MED13L: variants seen among roughly 807,000 people sequenced by gnomAD.
MED13L encodes the protein mediator of RNA polymerase II transcription subunit 13-like.
In MED13L, 7 loss-of-function variants were observed where a neutral mutation model predicts 220.9. The ratio of observed to expected loss-of-function variants is 0.03; its 90% CI spans 0.02 to 0.06. The LOEUF (loss-of-function observed/expected upper bound fraction) is 0.06. Ranked by LOEUF, MED13L falls within the 10% of genes least tolerant of loss-of-function variation. The probability of loss-of-function intolerance (pLI) is 1.00; values close to 1 mark genes in which losing one functional copy is unlikely to be tolerated. For synonymous variants in MED13L, 1,011 were observed against 1,015.2 expected (o/e 1.00, Z 0.08); for missense variants, 1,965 against 2,760.5 (o/e 0.71, Z 6.46).
chr12:116,090,928 T>A (rs1023613005), intron 4 of MED13L, among the ~76,000 whole-genome samples: 2 of 151,918 alleles, frequency 1.3e-5, no homozygotes, highest in Non-Finnish European at 2.9e-5. Flanking sequence ...AGTTCGAGAC[T>A]AGCCTGGCCA....
chr12:116,198,150 A>C (rs1229456593), intron 2 of MED13L, among the ~76,000 whole-genome samples: 1 of 152,170 alleles, frequency 6.6e-6, no homozygotes, highest in Non-Finnish European at 1.5e-5. Flanking sequence ...TACATATTTT[A>C]AGTACCAGAG....
At chr12:116,162,559 C>T (rs1211618371) in intron 2 of MED13L, among the ~76,000 whole-genome samples, 4 of 152,046 alleles carry the variant, frequency 2.6e-5, no homozygotes, top group African/African-American at 9.7e-5. Flanking sequence ...TCTTTCAGGC[C>T]CAAAGACATT....
At chr12:116,178,535 C>T (rs1880252489) in intron 2 of MED13L, among the ~76,000 whole-genome samples, 1 of 152,200 alleles carries the variant, frequency 6.6e-6, no homozygotes, top group South Asian at 2.1e-4. Flanking sequence ...TTTCCCTATT[C>T]ATGTTAAAAG....
At chr12:116,095,511 C>T (rs1342578701) in intron 4 of MED13L, among the ~76,000 whole-genome samples, 1 of 152,138 alleles carries the variant, frequency 6.6e-6, no homozygotes, top group Non-Finnish European at 1.5e-5. Flanking sequence ...GAGAAGACTA[C>T]TAATTAAGTC....
intron 7 of MED13L, among the ~76,000 whole-genome samples, chr12:116,015,632 C>A (rs1276135337): frequency 6.6e-6 from 1 of 152,150 alleles, no homozygotes; most frequent in African/African-American, 2.4e-5. Context: ...ATGCAAACCT[C>A]CACTGATTGT....
At chr12:116,082,995 G>A (rs930084186) in intron 4 of MED13L, among the ~76,000 whole-genome samples, 2 of 152,214 alleles carry the variant, frequency 1.3e-5, no homozygotes, top group African/African-American at 4.8e-5. Flanking sequence ...TTGACAAGTT[G>A]ATAGGTTTGA....
intron 22 of MED13L, chr12:115,981,940 T>C: frequency 5.1e-6 from 1 of 194,564 alleles, no homozygotes; most frequent in Non-Finnish European, 1.1e-5. Flanking sequence ...CATGTACAGG[T>C]TGAATATCCC....
chr12:116,035,750 C>A (rs1239872319), intron 4 of MED13L, among the ~76,000 whole-genome samples: 1 of 152,014 alleles, frequency 6.6e-6, no homozygotes, highest in Non-Finnish European at 1.5e-5. Flanking sequence ...GCCACCACAC[C>A]CAGCTAATTT....
intron 4 of MED13L, among the ~76,000 whole-genome samples, chr12:116,053,798 C>A (rs1391822239): frequency 6.6e-6 from 1 of 152,160 alleles, no homozygotes; most frequent in Non-Finnish European, 1.5e-5. Flanking sequence ...AGTTCAGTAA[C>A]CATTAGCAAA....
At position 115,993,478 on chromosome 12, in the gene MED13L, C is replaced by A. The variant is rs186188337; in HGVS notation, c.2997-1521G>T. ...TTTTTAATTAGCTATGCCTAAACTA[C>A]CAGCCTAAAAGTCCAAATCAGGCAC... On this transcript the variant is annotated intron_variant, in intron 16 of 30. Transcript: ENST00000281928. Among the ~76,000 whole-genome samples, 335 of 152,000 alleles carry A rather than the reference C, an allele frequency of 2.2e-3. 3 individuals carry two copies. The highest frequency in any genetic ancestry group is 5.6e-3 in the Admixed American group (86 of 15,272).
At chr12:116,260,554 C>CA (rs575237668) in intron 1 of MED13L, among the ~76,000 whole-genome samples, 41 of 151,492 alleles carry the variant, frequency 2.7e-4, no homozygotes, top group African/African-American at 8.0e-4. Flanking sequence ...CTCTCAATAA[C>CA]AAAAAAAATA....
chr12:116,139,100 C>T (rs1876831025), intron 2 of MED13L, among the ~76,000 whole-genome samples: 1 of 152,222 alleles, frequency 6.6e-6, no homozygotes, highest in Non-Finnish European at 1.5e-5. Context: ...AGACACTGAA[C>T]TTTCACTAGA....
intron 4 of MED13L, among the ~76,000 whole-genome samples, chr12:116,071,892 C>G (rs1870400709): frequency 6.6e-6 from 1 of 152,184 alleles, no homozygotes; most frequent in African/African-American, 2.4e-5. Context: ...GCTCCATATC[C>G]CTATTTCCAG....
intron 4 of MED13L, among the ~76,000 whole-genome samples, chr12:116,089,472 T>C (rs990596109): frequency 6.6e-6 from 1 of 152,238 alleles, no homozygotes; most frequent in African/African-American, 2.4e-5. Context: ...TCTGAAAACA[T>C]ACCATAAGTA....
At chr12:116,226,368 G>A (rs929362332) in intron 2 of MED13L, among the ~76,000 whole-genome samples, 2 of 152,106 alleles carry the variant, frequency 1.3e-5, no homozygotes, top group African/African-American at 2.4e-5. Flanking sequence ...TTTTATCAAC[G>A]TCGGGTTTAT....
chr12:116,172,286 A>G (rs977695195), intron 2 of MED13L, among the ~76,000 whole-genome samples: 4 of 152,226 alleles, frequency 2.6e-5, no homozygotes, highest in Admixed American at 6.5e-5. Flanking sequence ...CCGGATGTAA[A>G]AAATTCAACC....
At chr12:116,172,795 T>C (rs908433915) in intron 2 of MED13L, among the ~76,000 whole-genome samples, 2 of 152,032 alleles carry the variant, frequency 1.3e-5, no homozygotes, top group African/African-American at 4.8e-5. Flanking sequence ...TATATGAAAA[T>C]AACCTCATAA....
intron 3 of MED13L, among the ~76,000 whole-genome samples, chr12:116,101,770 G>T (rs192032618): frequency 1.3e-5 from 2 of 152,120 alleles, no homozygotes; most frequent in Non-Finnish European, 2.9e-5. Context: ...ACTCTATCAA[G>T]CTTTGAGGGT....
At chr12:116,148,281 T>C (rs1189434633) in intron 2 of MED13L, among the ~76,000 whole-genome samples, 1 of 151,734 alleles carries the variant, frequency 6.6e-6, no homozygotes, top group African/African-American at 2.4e-5. Flanking sequence ...ACAATTATAT[T>C]TTGCTTTTAA....
Sources: gnomAD v4.1 joint callset for allele counts (sites outside exome capture counted in the v4.1 genomes callset) on GRCh38, gnomAD v4.1.1 for gene constraint, MANE v1.5 for transcripts, NCBI Gene and HGNC (gene_info 2026-07-23, HGNC 2026-07-21) for gene names.